FMN2: variants seen among roughly 807,000 people sequenced by gnomAD.
FMN2 encodes the protein formin 2.
Under a neutral mutation model 142.3 loss-of-function variants are expected in FMN2, and 51 were observed. The observed-to-expected ratio is 0.36, with a 90% CI of 0.29 to 0.45. The LOEUF is 0.45. Among genes scored for constraint, FMN2 ranks in the 20% least tolerant of loss-of-function variants. The probability of loss-of-function intolerance (pLI) is 1.00; values close to 1 mark genes in which losing one functional copy is unlikely to be tolerated. For missense variants in FMN2, 1,936 were observed against 2,122.8 expected, an observed-to-expected ratio of 0.91 and a Z score of 1.73; for synonymous variants, 882 against 869.8, an observed-to-expected ratio of 1.01 and a Z score of -0.25.
chr1:240,143,699 G>T (rs1353556689), intron 2 of FMN2: 2 of 1,595,702 alleles, frequency 1.3e-6, no homozygotes, highest in African/African-American at 2.7e-5. Context: ...TTGAGACCCA[G>T]TCCAAGAGGA....
chr1:240,326,273 C>G (rs1247697174), intron 8 of FMN2, among the ~76,000 whole-genome samples: 1 of 152,122 alleles, frequency 6.6e-6, no homozygotes, highest in East Asian at 1.9e-4. Context: ...TGACAGTTCC[C>G]TTGACTTGCC....
At chr1:240,099,389 C>A (rs539889725) in intron 1 of FMN2, among the ~76,000 whole-genome samples, 1 of 146,294 alleles carries the variant, frequency 6.8e-6, no homozygotes, top group East Asian at 2.0e-4. Flanking sequence ...TGTCACTTAT[C>A]AGATATTCTG....
chr1:240,135,200 A>C (rs552784934), intron 2 of FMN2, among the ~76,000 whole-genome samples: 1 of 152,186 alleles, frequency 6.6e-6, no homozygotes, highest in Admixed American at 6.6e-5. Context: ...ACAGGGAGGA[A>C]CCAGAGAGGG....
intron 4 of FMN2, among the ~76,000 whole-genome samples, chr1:240,190,457 A>G (rs993200138): frequency 1.3e-5 from 2 of 152,204 alleles, no homozygotes; most frequent in African/African-American, 4.8e-5. Context: ...TAAAGGGGAT[A>G]GGGAAAACTC....
intron 1 of FMN2, among the ~76,000 whole-genome samples, chr1:240,107,347 G>A (rs1661652447): frequency 6.6e-6 from 1 of 152,106 alleles, no homozygotes; most frequent in African/African-American, 2.4e-5. Context: ...AAAAGTAAGA[G>A]CAGCAGCTGT....
chr1:240,093,100 G>C lies in FMN2; in HGVS notation c.991G>C (p.Gly331Arg). Residue 331 changes from glycine (G) to arginine (R), a missense_variant, in exon 1 of 18, where the codon GGG (glycine) becomes CGG (arginine). Gly to Arg is a moderately radical substitution (Grantham distance 125). Transcript: ENST00000319653. ...TAFPFPEAGP[G>R]EEAAGAPVRG... ...TTTCCCATTTCCCGAGGCCGGGCCG[G>C]GGGAGGAAGCGGCCGGAGCCCCCGT... 1 of 1,398,578 alleles carries C rather than the reference G, an allele frequency of 7.2e-7. No individual in the cohort carries two copies. Among genetic ancestry groups the C allele is most frequent in the Admixed American group, 3.6e-5 (1 of 28,104 alleles). The allele number at this position is 1,398,578 out of a possible 1,614,324, so 86.6% of individuals were successfully genotyped here.
chr1:240,336,582 A>AAAAAAAAAAAAAAAAAAG lies in FMN2; in HGVS notation c.4765+2353_4765+2354insAAAAAAAAAAAAAAAAAG, dbSNP rs144682452. On this transcript the variant is annotated intron_variant, in intron 13 of 17. Coordinates refer to ENST00000319653, the MANE Select transcript of FMN2 (RefSeq NM_020066.5). ...AAAAAAAAAAAAAAAAAAAAAAAAA[A>AAAAAAAAAAAAAAAAAAG]GGTGGTTGCAATTGTTTTCCCATTT... 5.9e-5 allele frequency among the ~76,000 whole-genome samples: 6 copies of AAAAAAAAAAAAAAAAAAG among 101,888 alleles called. 1 individual carries two copies. The highest frequency in any genetic ancestry group is 4.1e-4 in the South Asian group (1 of 2,468). 66.8% of individuals were successfully genotyped at this position (101,888 alleles called of 152,430 possible).
intron 15 of FMN2, among the ~76,000 whole-genome samples, chr1:240,410,593 C>A (rs962809108): frequency 8.5e-5 from 13 of 152,056 alleles, no homozygotes; most frequent in African/African-American, 3.1e-4. Context: ...AAAATTTCAA[C>A]TTTAACTAGA....
intron 1 of FMN2, among the ~76,000 whole-genome samples, chr1:240,116,104 C>T (rs890009803): frequency 1.3e-5 from 2 of 152,184 alleles, no homozygotes; most frequent in East Asian, 3.8e-4. Flanking sequence ...AACCAGAGGT[C>T]GCTTTCATCA....
At chr1:240,265,957 C>T (rs1435569050) in intron 7 of FMN2, among the ~76,000 whole-genome samples, 3 of 139,622 alleles carry the variant, frequency 2.1e-5, no homozygotes, top group African/African-American at 7.9e-5. Context: ...CCTGAACAGA[C>T]TCTGTGATAA....
chr1:240,389,728 G>C (rs879265186), intron 14 of FMN2, among the ~76,000 whole-genome samples: 2 of 152,118 alleles, frequency 1.3e-5, no homozygotes, highest in African/African-American at 4.8e-5. Context: ...GAGACGGAAG[G>C]ATTGCTTGAG....
intron 15 of FMN2, among the ~76,000 whole-genome samples, chr1:240,421,537 C>T (rs1052934411): frequency 5.9e-5 from 9 of 152,096 alleles, no homozygotes; most frequent in Admixed American, 2.0e-4. Context: ...TTTCCAACAC[C>T]GTTTGTTGAA....
intron 2 of FMN2, among the ~76,000 whole-genome samples, chr1:240,160,827 A>G (rs1664246094): frequency 6.6e-6 from 1 of 152,190 alleles, no homozygotes. Flanking sequence ...GTGATTGTAT[A>G]TGTAAAAATT....
intron 13 of FMN2, among the ~76,000 whole-genome samples, chr1:240,344,500 A>G (rs1671842264): frequency 6.6e-6 from 1 of 152,092 alleles, no homozygotes; most frequent in Non-Finnish European, 1.5e-5. Flanking sequence ...CCACACTAAC[A>G]TGTATGTGTA....
chr1:240,428,952 G>T (rs543951249), intron 15 of FMN2, among the ~76,000 whole-genome samples: 10 of 152,084 alleles, frequency 6.6e-5, no homozygotes, highest in African/African-American at 2.4e-4. Flanking sequence ...GGAATTTCTT[G>T]TCTTCCATAC....
rs1328462490 is a variant in FMN2, at chr1:240,092,686, G to A, written c.577G>A (p.Glu193Lys). The change falls in exon 1 of 18, where the codon GAG (glutamate) becomes AAG (lysine). Residue 193 changes from glutamate to lysine, a missense_variant. Physicochemically the swap from Glu to Lys is moderately conservative, Grantham distance 56. This residue lies in a region of FMN2 where 751 missense variants were observed against 791.8 expected (regional missense o/e 0.95). Transcript: ENST00000319653. Reference sequence around the variant, plus strand: ...TAGCTTCCATTCGGCTACGGAGCAAGAGGATTTGCTTTCAGACATCCAGCA... The same window carrying A: ...TAGCTTCCATTCGGCTACGGAGCAAAAGGATTTGCTTTCAGACATCCAGCA... ...IYSFHSATEQ[E>K]DLLSDIQQAI... is the part of the protein sequence containing the mutation. The A allele has an allele frequency of 6.2e-7, 1 of 1,613,940 alleles. No individual in the cohort carries two copies. Among genetic ancestry groups the A allele is most frequent in the Non-Finnish European group, 8.5e-7 (1 of 1,180,002 alleles).
rs559084690 is a variant in FMN2, at chr1:240,202,136, C to T, written c.1987-4663C>T. 2.6e-5 allele frequency among the ~76,000 whole-genome samples: 4 copies of T among 152,224 alleles called. No homozygotes were observed. In the South Asian group the frequency reaches 6.2e-4, roughly 24 times the overall value. On this transcript the variant is annotated intron_variant, in intron 4 of 17. Transcript: ENST00000319653. Reference sequence around the variant, plus strand: ...TGGATGAATCTAGCTGCAAGGGAGTCTGCAAATGTAGTTTTTCTTTGTATT... The same window carrying T: ...TGGATGAATCTAGCTGCAAGGGAGTTTGCAAATGTAGTTTTTCTTTGTATT...
chr1:240,227,737 A>G (rs547159448), intron 6 of FMN2, among the ~76,000 whole-genome samples: 1 of 152,316 alleles, frequency 6.6e-6, no homozygotes, highest in South Asian at 2.1e-4. Context: ...GGACAACTGT[A>G]TATCCACATG....
intron 7 of FMN2, among the ~76,000 whole-genome samples, chr1:240,293,733 G>A (rs965791559): frequency 6.6e-6 from 1 of 152,080 alleles, no homozygotes; most frequent in Non-Finnish European, 1.5e-5. Flanking sequence ...TATTATTAGG[G>A]TGGAAGTATC....
Sources: gnomAD v4.1 joint callset for allele counts (sites outside exome capture counted in the v4.1 genomes callset) on GRCh38, gnomAD v4.1.1 for gene constraint, gnomAD v4.1.1 regional missense constraint, MANE v1.5 for transcripts, NCBI Gene and HGNC (gene_info 2026-07-23, HGNC 2026-07-21) for gene names.